The following PDE7A variants were observed in gnomAD, a reference collection of about 807,000 sequenced individuals.
PDE7A encodes the protein high affinity 3',5'-cyclic-AMP phosphodiesterase 7A.
A neutral mutation model predicts 64.3 loss-of-function variants in PDE7A; 39 were observed. That is an observed-to-expected ratio of 0.61 (90% CI 0.47 to 0.79). PDE7A has a LOEUF of 0.79. Among genes scored for constraint, PDE7A ranks in the 30% least tolerant of loss-of-function variants. The pLI is 0.00. For synonymous variants in PDE7A, 203 were observed against 206.8 expected, an observed-to-expected ratio of 0.98 and a Z score of 0.16; for missense variants, 470 against 582.8, an observed-to-expected ratio of 0.81 and a Z score of 1.99.
chr8:65,723,501 G>T, intron 12 of PDE7A, 40 bp downstream of exon 12: 2 of 1,397,312 alleles, frequency 1.4e-6, no homozygotes, highest in Non-Finnish European at 1.9e-6. Context: ...AAAAACAGTG[G>T]CATTTTTCTA....
intron 1 of PDE7A, among the ~76,000 whole-genome samples, chr8:65,812,769 A>G (rs1585938140): frequency 6.6e-6 from 1 of 152,356 alleles, no homozygotes; most frequent in African/African-American, 2.4e-5. Flanking sequence ...CATGCATAGC[A>G]CCACTTTTAA....
intron 11 of PDE7A, 56 bp downstream of exon 11, chr8:65,724,199 G>A (rs1452883652): frequency 3.7e-6 from 4 of 1,067,312 alleles, no homozygotes; most frequent in Admixed American, 1.8e-5. Context: ...TTATTCTTAC[G>A]ATGTTAAAAA....
At chr8:65,800,788 A>G (rs1218865562) in intron 1 of PDE7A, among the ~76,000 whole-genome samples, 1 of 152,244 alleles carries the variant, frequency 6.6e-6, no homozygotes, top group Non-Finnish European at 1.5e-5. Flanking sequence ...GCCCTTGCTC[A>G]ACGAACATCA....
chr8:65,724,639 G>A (rs1315812866), intron 10 of PDE7A, 138 bp downstream of exon 10: 8 of 711,370 alleles, frequency 1.1e-5, no homozygotes, highest in Admixed American at 8.7e-5. Context: ...TGGAAGGAGT[G>A]TGCGCTAATT....
chr8:65,828,392 T>C (rs894958617), intron 1 of PDE7A, among the ~76,000 whole-genome samples: 1 of 152,160 alleles, frequency 6.6e-6, no homozygotes, highest in Non-Finnish European at 1.5e-5. Flanking sequence ...AGTTGTTATG[T>C]GTATCTTTCT....
chr8:65,755,267 C>T (rs1253691748), intron 3 of PDE7A, among the ~76,000 whole-genome samples: 5 of 151,840 alleles, frequency 3.3e-5, no homozygotes, highest in Non-Finnish European at 2.9e-5. Context: ...GGGATCCACC[C>T]GCCTCAGCCT....
intron 5 of PDE7A, among the ~76,000 whole-genome samples, chr8:65,745,077 G>A (rs551332034): frequency 6.6e-6 from 1 of 152,270 alleles, no homozygotes; most frequent in East Asian, 1.9e-4. Flanking sequence ...TAAGTCTAAC[G>A]AGATCTGATG....
Position 65,841,890 on chromosome 8 carries a change from A to C in PDE7A, c.-382T>G, listed in dbSNP as rs1811101566. 1 of 201,108 alleles carries C rather than the reference A, an allele frequency of 5.0e-6. No homozygotes were observed. The highest frequency in any genetic ancestry group is 2.4e-5 in the African/African-American group (1 of 41,464). The allele number at this position is 201,108 out of a possible 1,614,324, so 12.5% of individuals were successfully genotyped here. A position where few individuals can be genotyped will look rare whatever the true frequency, so the allele number is the denominator to read the frequency against. ...GAGCGCAGCACGAACGGAGCAAAGC[A>C]GTGCAAGAAAAGACAGCTGGAGCCA... On this transcript the variant is annotated 5_prime_UTR_variant, in exon 1 of 13. Coordinates refer to ENST00000401827, the MANE Select transcript of PDE7A (RefSeq NM_001242318.3).
At chr8:65,758,740 G>T (rs865935050) in intron 3 of PDE7A, among the ~76,000 whole-genome samples, 1 of 152,194 alleles carries the variant, frequency 6.6e-6, no homozygotes, top group African/African-American at 2.4e-5. Flanking sequence ...TCTGACAACT[G>T]TTGGCCACCG....
chr8:65,741,288 C>G (rs935161310), intron 5 of PDE7A, among the ~76,000 whole-genome samples: 1 of 152,056 alleles, frequency 6.6e-6, no homozygotes, highest in Non-Finnish European at 1.5e-5. Flanking sequence ...ATAAAATACA[C>G]GATTCTAGTA....
intron 1 of PDE7A, among the ~76,000 whole-genome samples, chr8:65,784,793 A>G (rs1224136031): frequency 6.6e-6 from 1 of 152,142 alleles, no homozygotes; most frequent in Non-Finnish European, 1.5e-5. Flanking sequence ...GTAGAAAAAC[A>G]GGTAGGACAT....
intron 5 of PDE7A, among the ~76,000 whole-genome samples, chr8:65,740,503 C>T (rs370496735): frequency 7.9e-5 from 12 of 152,054 alleles, no homozygotes; most frequent in East Asian, 3.9e-4. Flanking sequence ...TGAGTTCAAG[C>T]GATTCTCCTG....
chr8:65,730,595 T>C (rs1049942357), intron 7 of PDE7A, among the ~76,000 whole-genome samples: 2 of 152,140 alleles, frequency 1.3e-5, no homozygotes, highest in East Asian at 1.9e-4. Context: ...TGGTCCCTGA[T>C]GCCAAAAAGG....
rs200682112 is a variant in PDE7A at position 65,724,310 on chromosome 8, C to A, written c.1107G>T (p.Thr369=). Residue 369 remains threonine, a synonymous_variant, in exon 11 of 13, where the codon ACG becomes ACT. Transcript: ENST00000401827. ...KCADICNPCR[T]WELSKQWSEK... ...CACTCCACTGCTTGCTTAATTCCCA[C>A]GTCCGACATGGGTTACAAATATCAG... The A allele has an allele frequency of 8.7e-6, 14 of 1,612,808 alleles. No individual in the cohort carries two copies. The highest frequency in any genetic ancestry group is 2.2e-5 in the East Asian group (1 of 44,808).
At chr8:65,735,403 G>A (rs1807086570) in intron 6 of PDE7A, among the ~76,000 whole-genome samples, 1 of 151,636 alleles carries the variant, frequency 6.6e-6, no homozygotes. Context: ...TGACCTCCTG[G>A]GCTCAAGTAA....
At position 65,730,171 on chromosome 8, in the gene PDE7A, C is replaced by CTTTTTTTTT. The variant is rs1179431555; in HGVS notation, c.697-2879_697-2871dup. Among the ~76,000 whole-genome samples, 442 of 86,380 alleles carry CTTTTTTTTT rather than the reference C, an allele frequency of 5.1e-3. 73 individuals are homozygous for CTTTTTTTTT. The highest frequency in any genetic ancestry group is 0.017 in the African/African-American group (358 of 20,886). The allele number at this position is 86,380 out of a possible 152,430, so 56.7% of individuals were successfully genotyped here. Reference sequence around the variant, plus strand: ...TGTGAGGGATCCAGGTTGCGCACTTCTTTTTTTTTTTTTTTTTTTTTTTTT... The same window carrying CTTTTTTTTT: ...TGTGAGGGATCCAGGTTGCGCACTTCTTTTTTTTTTTTTTTTTTTTTTTTTTTTTTTTTT... On this transcript the variant is annotated intron_variant, in intron 7 of 12. Transcript: ENST00000401827.
At chr8:65,818,997 C>T (rs1810478073) in intron 1 of PDE7A, among the ~76,000 whole-genome samples, 1 of 152,244 alleles carries the variant, frequency 6.6e-6, no homozygotes, top group South Asian at 2.1e-4. Flanking sequence ...AGAATGGCCA[C>T]TGACTCCCAC....
At chr8:65,806,675 G>A (rs1810122965) in intron 1 of PDE7A, among the ~76,000 whole-genome samples, 1 of 152,184 alleles carries the variant, frequency 6.6e-6, no homozygotes, top group Non-Finnish European at 1.5e-5. Context: ...TTCCATACAC[G>A]TGTTACTGAT....
At position 65,726,894 on chromosome 8, in the gene PDE7A, G is replaced by T; in HGVS notation, c.901C>A (p.His301Asn). 1 of 1,596,532 alleles carries T rather than the reference G, an allele frequency of 6.3e-7. No homozygotes were observed. The highest frequency in any genetic ancestry group is 8.6e-7 in the Non-Finnish European group (1 of 1,164,854). Reference protein sequence around the residue: ...GLLRESGLFSHLPLESRQQME... With the variant: ...GLLRESGLFSNLPLESRQQME... Reference sequence around the variant, plus strand: ...ACCTACCTGCTTTCTAATGGCAGATGTGAGAATAAGCCTGATTCTCTCAAT... The same window carrying T: ...ACCTACCTGCTTTCTAATGGCAGATTTGAGAATAAGCCTGATTCTCTCAAT... The change falls in exon 9 of 13, where the codon CAT becomes AAT. Residue 301 changes from histidine to asparagine, a missense_variant. His to Asn is a moderately conservative substitution (Grantham distance 68). Transcript: ENST00000401827.
Sources: allele counts gnomAD v4.1 joint callset (sites outside exome capture counted in the v4.1 genomes callset), GRCh38; gene constraint gnomAD v4.1.1; transcripts MANE v1.5; gene names NCBI Gene and HGNC (gene_info 2026-07-23, HGNC 2026-07-21).